The following USP12 variants were observed in gnomAD, a reference collection of about 807,000 sequenced individuals.
The protein encoded by USP12 is ubiquitin carboxyl-terminal hydrolase 12.
Under a neutral mutation model 45.5 loss-of-function variants are expected in USP12, and 19 were observed. The observed-to-expected ratio is 0.42, with a 90% CI of 0.29 to 0.61. The LOEUF is 0.61. USP12 is among the 20% of genes least tolerant of loss of function. The pLI is 0.22. For synonymous variants in USP12, 149 were observed against 148.8 expected (o/e 1.00, Z -0.01); for missense variants, 242 against 447.7 (o/e 0.54, Z 4.15).
intron 3 of USP12, among the ~76,000 whole-genome samples, chr13:27,103,180 C>T (rs928942765): frequency 5.3e-5 from 8 of 152,002 alleles, no homozygotes; most frequent in Non-Finnish European, 8.8e-5. Context: ...TAGTAAGAAC[C>T]ATCTACCAGT....
intron 6 of USP12, chr13:27,077,652 G>C (rs1484259554): frequency 1.3e-5 from 2 of 152,148 alleles, no homozygotes; most frequent in East Asian, 3.9e-4. Context: ...GATGATGAGA[G>C]ACTAGCTTAC....
intron 6 of USP12, among the ~76,000 whole-genome samples, chr13:27,076,330 A>C (rs1301719847): frequency 6.6e-6 from 1 of 152,168 alleles, no homozygotes; most frequent in Non-Finnish European, 1.5e-5. Context: ...TTCATGTTCT[A>C]AACAATCTTT....
intron 6 of USP12, chr13:27,077,349 T>C (rs139276866): frequency 2.0e-4 from 31 of 152,276 alleles, no homozygotes; most frequent in African/African-American, 5.1e-4. Flanking sequence ...TGAGTGTCAG[T>C]GCACTATTAA....
At chr13:27,119,569 T>C (rs1254819090) in intron 1 of USP12, among the ~76,000 whole-genome samples, 1 of 152,388 alleles carries the variant, frequency 6.6e-6, no homozygotes, top group East Asian at 1.9e-4. Flanking sequence ...AAGATTTTCA[T>C]GGCTAAAACT....
rs190774546 is a variant in USP12, at chr13:27,088,715, T to C, written c.734+1168A>G. On this transcript the variant is annotated intron_variant, in intron 6 of 8. Coordinates refer to ENST00000282344, the MANE Select transcript of USP12 (RefSeq NM_182488.4). ...CACAATTCAATGTGGGAAGAATTAA[T>C]AGTCTTTTGTGACTCCACTGGGGCA... is the stretch of plus-strand genomic sequence containing the variant. Among the ~76,000 whole-genome samples the C allele has an allele frequency of 1.6e-3, 241 of 152,308 alleles. 2 individuals carry two copies. The highest frequency in any genetic ancestry group is 5.4e-3 in the African/African-American group (225 of 41,572).
At chr13:27,140,817 A>G (rs778472450) in intron 1 of USP12, among the ~76,000 whole-genome samples, 3 of 152,152 alleles carry the variant, frequency 2.0e-5, no homozygotes, top group Non-Finnish European at 2.9e-5. Context: ...AGAGTTGACA[A>G]TTATGTCCAA....
At chr13:27,116,405 A>C in intron 2 of USP12, 111 bp downstream of exon 2, 6 of 908,292 alleles carry the variant, frequency 6.6e-6, no homozygotes, top group Non-Finnish European at 9.4e-6. Context: ...CTTAGCATTT[A>C]ATTCTATTAA....
At position 27,167,610 on chromosome 13, in the gene USP12, G is replaced by A. The variant is rs961625201; in HGVS notation, c.48+3982C>T. ...AAATTAACACAGCAAAATTAGATAA[G>A]TAAAACAATGGCAACTCACATTTGA... is the stretch of plus-strand genomic sequence containing the variant. On this transcript the variant is annotated intron_variant, in intron 1 of 8. Coordinates refer to ENST00000282344, the MANE Select transcript of USP12 (RefSeq NM_182488.4). 1.4e-4 allele frequency among the ~76,000 whole-genome samples: 21 copies of A among 151,642 alleles called. 1 individual carries two copies. The highest frequency in any genetic ancestry group is 2.6e-4 in the Non-Finnish European group (18 of 67,938).
At chr13:27,087,114 TGTGTGTGTGC>T (rs1398359217) in intron 6 of USP12, among the ~76,000 whole-genome samples, 3 of 151,792 alleles carry the variant, frequency 2.0e-5, no homozygotes. Flanking sequence ...TGTGTGTGTG[TGTGTGTGTGC>T]GTGTGTGAGA....
chr13:27,069,369 C>T lies in USP12; in HGVS notation c.1027G>A (p.Ala343Thr), dbSNP rs761653817. 3.1e-6 allele frequency: 5 copies of T among 1,613,206 alleles called. No homozygotes were observed. In the South Asian group the frequency reaches 4.4e-5, roughly 14 times the overall value. ...DDIVEKIDAQ[A>T]IEEFYGLTSD... ...GTCAACCCGTAGAATTCTTCAATAG[C>T]TTGTGCATCTATTTTCTGTGAGGTA... Residue 343 changes from alanine to threonine, a missense_variant, in exon 9 of 9, where the codon GCT (alanine) becomes ACT (threonine). Transcript: ENST00000282344.
chr13:27,101,350 AC>A (rs1874855013), intron 3 of USP12, among the ~76,000 whole-genome samples: 1 of 152,254 alleles, frequency 6.6e-6, no homozygotes, highest in Admixed American at 6.5e-5. Flanking sequence ...AATTTTTAAA[AC>A]CCTGGTTTTC....
At position 27,071,156 on chromosome 13, in the gene USP12, C is replaced by T. The variant is rs1241239158; in HGVS notation, c.933-7G>A. The T allele has an allele frequency of 1.3e-6, 2 of 1,588,058 alleles. No homozygotes were observed. Among genetic ancestry groups the T allele is most frequent in the Non-Finnish European group, 1.7e-6 (2 of 1,171,172 alleles). On this transcript the variant is annotated splice_region_variant and splice_polypyrimidine_tract_variant and intron_variant, in intron 7 of 8. Transcript: ENST00000282344. Reference sequence around the variant, plus strand: ...ATGGCCTCGATTGGGACCACTAAAACAAACGAAGAAGAAGTTAATTCAATA... The same window carrying T: ...ATGGCCTCGATTGGGACCACTAAAATAAACGAAGAAGAAGTTAATTCAATA...
chr13:27,147,525 TAAG>T, intron 1 of USP12, among the ~76,000 whole-genome samples: 1 of 152,294 alleles, frequency 6.6e-6, no homozygotes, highest in Non-Finnish European at 1.5e-5. Context: ...AACTAGAATT[TAAG>T]AATATATGTC....
chr13:27,116,478 C>G (rs1201471656), intron 2 of USP12, 38 bp downstream of exon 2: 1 of 1,591,486 alleles, frequency 6.3e-7, no homozygotes, highest in Non-Finnish European at 8.6e-7. Flanking sequence ...AAAACTGCTT[C>G]CGAACATGAT....
At chr13:27,087,178 G>A (rs1874091046) in intron 6 of USP12, among the ~76,000 whole-genome samples, 2 of 151,508 alleles carry the variant, frequency 1.3e-5, no homozygotes, top group Non-Finnish European at 2.9e-5. Context: ...GGGAGCGGGG[G>A]CAGGAAGGCA....
chr13:27,121,172 A>G (rs2497981), intron 1 of USP12, among the ~76,000 whole-genome samples: 16,318 of 152,168 alleles, frequency 0.11, 1,467 homozygotes, highest in African/African-American at 0.24. Context: ...AAACAGCAAG[A>G]TAACTTGCTT....
At chr13:27,086,488 C>A (rs1874053823) in intron 6 of USP12, among the ~76,000 whole-genome samples, 1 of 151,534 alleles carries the variant, frequency 6.6e-6, no homozygotes, top group Non-Finnish European at 1.5e-5. Flanking sequence ...CATTTTATAG[C>A]TTTTATAGTG....
chr13:27,079,237 G>A (rs1565982342), intron 6 of USP12, among the ~76,000 whole-genome samples: 1 of 149,500 alleles, frequency 6.7e-6, no homozygotes, highest in Non-Finnish European at 1.5e-5. Context: ...AGTGGGGGGA[G>A]AGGGAAGGAA....
chr13:27,103,607 A>T (rs5802410), intron 3 of USP12, among the ~76,000 whole-genome samples: 6,667 of 128,508 alleles, frequency 0.052, 227 homozygotes, highest in Middle Eastern at 0.065. Flanking sequence ...TCAAAAAAAA[A>T]AATAATAATA....
Sources: allele counts gnomAD v4.1 joint callset (sites outside exome capture counted in the v4.1 genomes callset), GRCh38; gene constraint gnomAD v4.1.1; transcripts MANE v1.5; gene names NCBI Gene and HGNC (gene_info 2026-07-23, HGNC 2026-07-21).